The following PHF1 variants were observed in gnomAD, a reference collection of about 807,000 sequenced individuals.
PHF1 encodes PHD finger protein 1, also known as polycomb-like 1.
Under a neutral mutation model 69.4 loss-of-function variants are expected in PHF1, and 16 were observed. The ratio of observed to expected loss-of-function variants is 0.23; its 90% CI spans 0.16 to 0.35. PHF1 has a LOEUF of 0.35. Ranked by LOEUF, PHF1 falls within the 10% of genes least tolerant of loss-of-function variation. PHF1 has a pLI of 1.00. For missense variants in PHF1, 515 were observed against 732.8 expected (o/e 0.70, Z 3.43); for synonymous variants, 274 against 275.0 (o/e 1.00, Z 0.04).
Position 33,414,804 on chromosome 6 carries a change from C to T in PHF1, c.1024C>T (p.Pro342Ser). The T allele has an allele frequency of 1.9e-6, 3 of 1,613,698 alleles. No homozygotes were observed. The highest frequency in any genetic ancestry group is 2.5e-6 in the Non-Finnish European group (3 of 1,179,810). ...HARMPPPVEP[P>S]TGDGALTSFP... The stretch of plus-strand genomic sequence containing the variant: ...TCGGATGCCTCCCCCTGTGGAGCCC[C>T]CTACTGGAGATGGAGCACTCACCAG... The change falls in exon 11 of 15, where the codon CCT (proline) becomes TCT (serine). Residue 342 changes from proline (P) to serine (S), a missense_variant. Pro to Ser is a moderately conservative substitution (Grantham distance 74). Transcript: ENST00000374516. This position sits in a 1 kb window ranked among gnomAD's most constrained non-coding sequence, Gnocchi z 5.0.
Position 33,414,823 on chromosome 6 carries a change from T to A in PHF1, c.1043T>A (p.Leu348His). Residue 348 changes from leucine (L) to histidine (H), a missense_variant, in exon 11 of 15, where the codon CTC becomes CAC. Leu to His is a moderately conservative substitution (Grantham distance 99, BLOSUM62 -3). Transcript: ENST00000374516. This position sits in a 1 kb window ranked among gnomAD's most constrained non-coding sequence, Gnocchi z 5.0. ...GAGCCCCCTACTGGAGATGGAGCAC[T>A]CACCAGGTCACTGGTCCAGGGGGGA... ...PVEPPTGDGALTSFPSGQGPG... is the reference protein window; with the variant it reads ...PVEPPTGDGAHTSFPSGQGPG... 3.7e-6 allele frequency: 6 copies of A among 1,611,398 alleles called. No homozygotes were observed. The South Asian group carries it at 6.6e-5, about 18-fold the overall frequency.
Position 33,412,166 on chromosome 6 carries a change from A to AG in PHF1, c.-16-82_-16-81insG, listed in dbSNP as rs910836500. On this transcript the variant is annotated intron_variant, in intron 1 of 14. Coordinates refer to ENST00000374516, the MANE Select transcript of PHF1 (RefSeq NM_024165.3). This position sits in a 1 kb window ranked among gnomAD's most constrained non-coding sequence, Gnocchi z 4.2. ...GACAGAGCAAAACTCCATCTCAGGA[A>AG]AAAAAAAAAAAAAAGAAAAAGAAAA... is the stretch of plus-strand genomic sequence containing the variant. 1.6e-6 allele frequency: 1 copy of AG among 610,630 alleles called. No homozygotes were observed. Among genetic ancestry groups the AG allele is most frequent in the African/African-American group, 2.1e-5 (1 of 48,590 alleles). The allele number at this position is 610,630 out of a possible 1,614,324, so 37.8% of individuals were successfully genotyped here.
At chr6:33,415,762 T>C (rs188810945) in intron 14 of PHF1, 48 bp from the exon 15 acceptor site, 315 of 1,601,630 alleles carry the variant, frequency 2.0e-4, no homozygotes, top group Admixed American at 5.9e-4. Flanking sequence ...CTGATTCACA[T>C]GTGCTCTCCA....
rs1412005634 is a variant in PHF1, at chr6:33,414,715, CT to C, written c.945-8del. On this transcript the variant is annotated splice_polypyrimidine_tract_variant and intron_variant, in intron 10 of 14. Coordinates refer to ENST00000374516, the MANE Select transcript of PHF1 (RefSeq NM_024165.3). This position sits in a 1 kb window ranked among gnomAD's most constrained non-coding sequence, Gnocchi z 5.0. ...GCACTGACCCTATATCATTTCTCTT[CT>C]TGCCCCAGTTTCATTTCAGGGAGAG... is the stretch of plus-strand genomic sequence containing the variant. 1.1e-5 allele frequency: 18 copies of C among 1,608,560 alleles called. No individual in the cohort carries two copies. The African/African-American group carries it at 1.9e-4, about 17-fold the overall frequency.
Position 33,414,537 on chromosome 6 carries a change from A to G in PHF1, c.937A>G (p.Lys313Glu). The change falls in exon 10 of 15, where the codon AAG becomes GAG. Residue 313 changes from lysine (K) to glutamate (E), a missense_variant. By Grantham distance (56) the Lys-to-Glu change is moderately conservative. This residue lies in a region of PHF1 where 142 missense variants were observed against 309.7 expected (regional missense o/e 0.46). Transcript: ENST00000374516. The surrounding 1 kb of genome is among the most constrained non-coding windows in gnomAD (Gnocchi z 5.0). ...GCTCCTCTCTGCTCTTAACAGCCACAAGGACCGGTGAGTTGGAGGGAAGAG... is the reference window on the plus strand; with the variant it reads ...GCTCCTCTCTGCTCTTAACAGCCACGAGGACCGGTGAGTTGGAGGGAAGAG... ...SRLLSALNSH[K>E]DRFISGREIK... is the part of the protein sequence containing the mutation. 6.2e-7 allele frequency: 1 copy of G among 1,613,750 alleles called. No homozygotes were observed. Among genetic ancestry groups the G allele is most frequent in the Non-Finnish European group, 8.5e-7 (1 of 1,179,706 alleles).
In PHF1 at chr6:33,414,137, G is replaced by A; in HGVS notation, c.752+28G>A. 6.2e-7 allele frequency: 1 copy of A among 1,613,992 alleles called. No individual in the cohort carries two copies. The highest frequency in any genetic ancestry group is 8.5e-7 in the Non-Finnish European group (1 of 1,179,944). On this transcript the variant is annotated intron_variant, in intron 8 of 14. Coordinates refer to ENST00000374516, the MANE Select transcript of PHF1 (RefSeq NM_024165.3). The surrounding 1 kb of genome is among the most constrained non-coding windows in gnomAD (Gnocchi z 5.0). ...GAGCTGGATTGGGCATGACCTCAGT[G>A]TAACTCCACACCACAGTATTTCACT... is the stretch of plus-strand genomic sequence containing the variant.
In PHF1 at chr6:33,414,672, G is replaced by A. The variant is rs1275555864; in HGVS notation, c.945-53G>A. On this transcript the variant is annotated intron_variant, in intron 10 of 14. Transcript: ENST00000374516. This position sits in a 1 kb window ranked among gnomAD's most constrained non-coding sequence, Gnocchi z 5.0. ...GAAAAGGATTGAGGAATGGCGTAAG[G>A]AGGAACCGTTTTTTACAGCACTGAC... is the stretch of plus-strand genomic sequence containing the variant. 1 of 1,568,390 alleles carries A rather than the reference G, an allele frequency of 6.4e-7. No individual in the cohort carries two copies. Among genetic ancestry groups the A allele is most frequent in the African/African-American group, 1.4e-5 (1 of 73,986 alleles).
In PHF1 at chr6:33,413,267, C is replaced by T. The variant is rs1481061519; in HGVS notation, c.409C>T (p.Arg137Cys). 6.2e-7 allele frequency: 1 copy of T among 1,613,986 alleles called. No homozygotes were observed. Among genetic ancestry groups the T allele is most frequent in the Admixed American group, 1.7e-5 (1 of 60,006 alleles). Residue 137 changes from arginine (R) to cysteine (C), a missense_variant, in exon 5 of 15, where the codon CGC (arginine) becomes TGC (cysteine). Physicochemically the swap from Arg to Cys is radical, Grantham distance 180. This residue lies in a region of PHF1 where 142 missense variants were observed against 309.7 expected (regional missense o/e 0.46). Transcript: ENST00000374516. ...GEGEGTSWVC[R>C]QCVFAIATKR... ...GGGAGAGGGCACATCCTGGGTATGCCGCCAGTGTGTCTTTGCGATCGCCAC... is the reference window on the plus strand; with the variant it reads ...GGGAGAGGGCACATCCTGGGTATGCTGCCAGTGTGTCTTTGCGATCGCCAC...
Position 33,414,363 on chromosome 6 carries a change from G to C in PHF1, c.873G>C (p.Gly291=). 6.2e-7 allele frequency: 1 copy of C among 1,614,138 alleles called. No homozygotes were observed. Among genetic ancestry groups the C allele is most frequent in the Non-Finnish European group, 8.5e-7 (1 of 1,180,018 alleles). Residue 291 remains glycine (G), a synonymous_variant, in exon 9 of 15, where the codon GGG becomes GGC. Transcript: ENST00000374516. The surrounding 1 kb of genome is among the most constrained non-coding windows in gnomAD (Gnocchi z 5.0). ...TSENWDSLLL[G]ELSDTPKGER... Reference sequence around the variant, plus strand: ...AGAATTGGGACAGTTTGCTCCTGGGGGAGGTAAGGGGTAGTGCAGTTTTGG... The same window carrying C: ...AGAATTGGGACAGTTTGCTCCTGGGCGAGGTAAGGGGTAGTGCAGTTTTGG...
intron 7 of PHF1, 49 bp from the exon 8 acceptor site, chr6:33,413,992 G>A: frequency 6.2e-7 from 1 of 1,605,658 alleles, no homozygotes; most frequent in Non-Finnish European, 8.5e-7. Context: ...CCAGGGGATG[G>A]CACAGTTTTC....
Position 33,412,728 on chromosome 6 carries a change from G to A in PHF1, c.272G>A (p.Cys91Tyr), listed in dbSNP as rs367705535. The change falls in exon 4 of 15, where the codon TGT becomes TAT. Residue 91 changes from cysteine (C) to tyrosine (Y), a missense_variant. Transcript: ENST00000374516. This position sits in a 1 kb window ranked among gnomAD's most constrained non-coding sequence, Gnocchi z 4.2. The stretch of plus-strand genomic sequence containing the variant: ...CTCCCTGGAGAGGAACTCCTCTGTT[G>A]TGTCTGTCGCTCTGAGACTGTGGTC... ...AALPGEELLC[C>Y]VCRSETVVPG... 33 of 1,613,980 alleles carry A rather than the reference G, an allele frequency of 2.0e-5. No individual in the cohort carries two copies. The highest frequency in any genetic ancestry group is 2.7e-5 in the Non-Finnish European group (32 of 1,180,018).
At position 33,416,117 on chromosome 6, in the gene PHF1, G is replaced by C; in HGVS notation, c.*19G>C. Reference sequence around the variant, plus strand: ...CTTCTGAACAGCCTGCCTCTGCCCAGCTCCCCATTCACACACACCGGCACT... The same window carrying C: ...CTTCTGAACAGCCTGCCTCTGCCCACCTCCCCATTCACACACACCGGCACT... On this transcript the variant is annotated 3_prime_UTR_variant, in exon 15 of 15. Coordinates refer to ENST00000374516, the MANE Select transcript of PHF1 (RefSeq NM_024165.3). 2 of 1,515,352 alleles carry C rather than the reference G, an allele frequency of 1.3e-6. No homozygotes were observed. The highest frequency in any genetic ancestry group is 1.8e-6 in the Non-Finnish European group (2 of 1,134,694). 93.9% of individuals were successfully genotyped at this position (1,515,352 alleles called of 1,614,324 possible).
In PHF1 at chr6:33,416,101, A is replaced by T. The variant is rs1776455240; in HGVS notation, c.*3A>T. The T allele has an allele frequency of 2.0e-6, 3 of 1,531,564 alleles. No homozygotes were observed. Among genetic ancestry groups the T allele is most frequent in the Non-Finnish European group, 2.6e-6 (3 of 1,140,566 alleles). The allele number at this position is 1,531,564 out of a possible 1,614,324, so 94.9% of individuals were successfully genotyped here. A position where few individuals can be genotyped will look rare whatever the true frequency, so the allele number is the denominator to read the frequency against. On this transcript the variant is annotated 3_prime_UTR_variant, in exon 15 of 15. Transcript: ENST00000374516. ...GGGGAGGAGGGGGCATCTTCTGAAC[A>T]GCCTGCCTCTGCCCAGCTCCCCATT...
Position 33,412,980 on chromosome 6 carries a change from C to A in PHF1, c.337+187C>A, listed in dbSNP as rs1466019319. On this transcript the variant is annotated intron_variant, in intron 4 of 14. Transcript: ENST00000374516. This position sits in a 1 kb window ranked among gnomAD's most constrained non-coding sequence, Gnocchi z 4.2. ...AAAGGGGTGGTATAACCTTTGCAGG[C>A]AGAAGATGGTTTAAATGCATCCTTT... is the stretch of plus-strand genomic sequence containing the variant. 7 of 681,728 alleles carry A rather than the reference C, an allele frequency of 1.0e-5. No homozygotes were observed. Among genetic ancestry groups the A allele is most frequent in the African/African-American group, 3.6e-5 (2 of 55,840 alleles). 42.2% of individuals were successfully genotyped at this position (681,728 alleles called of 1,614,324 possible). A position where few individuals can be genotyped will look rare whatever the true frequency, so the allele number is the denominator to read the frequency against.
chr6:33,416,232 A>AGAGTGGG lies in PHF1; in HGVS notation c.*144_*150dup. 1 of 692,062 alleles carries AGAGTGGG rather than the reference A, an allele frequency of 1.4e-6. No homozygotes were observed. The highest frequency in any genetic ancestry group is 2.9e-5 in the East Asian group (1 of 34,268). 42.9% of individuals were successfully genotyped at this position (692,062 alleles called of 1,614,324 possible). A position where few individuals can be genotyped will look rare whatever the true frequency, so the allele number is the denominator to read the frequency against. On this transcript the variant is annotated 3_prime_UTR_variant, in exon 15 of 15. Coordinates refer to ENST00000374516, the MANE Select transcript of PHF1 (RefSeq NM_024165.3). ...TCCCTACTGCCCAGGCTGGAATCCA[A>AGAGTGGG]GAGTGGGGAGTGGGGAAGAGGCCCT...
At chr6:33,413,096 G>C in intron 4 of PHF1, 100 bp from the exon 5 acceptor site, 2 of 1,075,858 alleles carry the variant, frequency 1.9e-6, no homozygotes, top group Non-Finnish European at 1.4e-6. Context: ...CCCTCATCAA[G>C]ACCATGGTCA....
intron 1 of PHF1, among the ~76,000 whole-genome samples, chr6:33,411,827 G>A (rs1026227761): frequency 6.6e-6 from 1 of 152,120 alleles, no homozygotes; most frequent in African/African-American, 2.4e-5. Flanking sequence ...TTGGAGATGG[G>A]GGCACAGATA....
Position 33,415,343 on chromosome 6 carries a change from T to C in PHF1, c.1334+14T>C. 1 of 1,589,894 alleles carries C rather than the reference T, an allele frequency of 6.3e-7. No individual in the cohort carries two copies. Among genetic ancestry groups the C allele is most frequent in the Non-Finnish European group, 8.6e-7 (1 of 1,160,252 alleles). On this transcript the variant is annotated intron_variant, in intron 13 of 14. Coordinates refer to ENST00000374516, the MANE Select transcript of PHF1 (RefSeq NM_024165.3). ...CTGCCTGCCCAGGTCAGTGCTCCTC[T>C]GCCCCTCCCCCACAAAATATGCTCC...
At position 33,415,575 on chromosome 6, in the gene PHF1, C is replaced by G. The variant is rs749791794; in HGVS notation, c.1335-15C>G. The G allele has an allele frequency of 6.2e-7, 1 of 1,613,594 alleles. No individual in the cohort carries two copies. Among genetic ancestry groups the G allele is most frequent in the Admixed American group, 1.7e-5 (1 of 59,984 alleles). ...CCCCTGCTTCAGGTCCTGACTTTCC[C>G]CACTCCAACCCCAGCAGCCCCATCC... On this transcript the variant is annotated splice_polypyrimidine_tract_variant and intron_variant, in intron 13 of 14. Transcript: ENST00000374516.
Sources: allele counts gnomAD v4.1 joint callset (sites outside exome capture counted in the v4.1 genomes callset), GRCh38; gene constraint gnomAD v4.1.1; regional missense constraint gnomAD v4.1.1; non-coding constraint Gnocchi (gnomAD v3.1); transcripts MANE v1.5; gene names NCBI Gene and HGNC (gene_info 2026-07-23, HGNC 2026-07-21).